The following NTM variants were observed in gnomAD, a reference collection of about 807,000 sequenced individuals.
NTM encodes the protein neurotrimin.
A neutral mutation model predicts 42.1 loss-of-function variants in NTM; 13 were observed. That is an observed-to-expected ratio of 0.31 (90% confidence interval 0.20 to 0.49). The LOEUF (loss-of-function observed/expected upper bound fraction) is 0.49, where lower values mean the gene tolerates loss of function less well. NTM is among the 20% of genes least tolerant of loss of function. The pLI is 0.99. For synonymous variants in NTM, 187 were observed against 179.2 expected, an observed-to-expected ratio of 1.04 and a Z score of -0.35; for missense variants, 373 against 452.8, an observed-to-expected ratio of 0.82 and a Z score of 1.60.
intron 1 of NTM, among the ~76,000 whole-genome samples, chr11:131,442,021 C>G (rs756637847): frequency 7.2e-5 from 11 of 152,350 alleles, no homozygotes; most frequent in Middle Eastern, 6.8e-3. Context: ...CCTCAGATCA[C>G]AGGGTAAAAA....
intron 2 of NTM, among the ~76,000 whole-genome samples, chr11:132,134,705 G>GTA (rs57297229): frequency 6.6e-4 from 50 of 75,848 alleles, no homozygotes; most frequent in Non-Finnish European, 1.2e-3. Context: ...GTATTCCATG[G>GTA]TATATATATA....
intron 2 of NTM, among the ~76,000 whole-genome samples, chr11:132,007,673 A>G (rs1454460926): frequency 1.3e-5 from 2 of 152,230 alleles, no homozygotes; most frequent in Non-Finnish European, 2.9e-5. Flanking sequence ...GTGAAGGAAT[A>G]ATCATCCACC....
chr11:131,783,931 T>A (rs923823943), intron 1 of NTM, among the ~76,000 whole-genome samples: 1 of 152,156 alleles, frequency 6.6e-6, no homozygotes, highest in Non-Finnish European at 1.5e-5. Context: ...TCATAACAAC[T>A]CAATCCTGAG....
At chr11:131,774,733 T>C (rs1171723093) in intron 1 of NTM, among the ~76,000 whole-genome samples, 1 of 152,178 alleles carries the variant, frequency 6.6e-6, no homozygotes, top group East Asian at 1.9e-4. Context: ...AAGCTTAAGG[T>C]GAAGATAATC....
intron 2 of NTM, among the ~76,000 whole-genome samples, chr11:131,956,588 A>G (rs979895201): frequency 1.4e-5 from 2 of 147,870 alleles, no homozygotes; most frequent in Non-Finnish European, 3.0e-5. Context: ...GGTTCCTTTC[A>G]TCGGTGTCTC....
At chr11:131,974,019 C>A (rs1422351655) in intron 2 of NTM, among the ~76,000 whole-genome samples, 1 of 152,156 alleles carries the variant, frequency 6.6e-6, no homozygotes, top group Non-Finnish European at 1.5e-5. Flanking sequence ...ACTTCCACTT[C>A]ATGAGTAGTA....
intron 1 of NTM, among the ~76,000 whole-genome samples, chr11:131,749,686 C>G (rs544570107): frequency 6.6e-6 from 1 of 152,162 alleles, no homozygotes; most frequent in Non-Finnish European, 1.5e-5. Flanking sequence ...GCAACCTCTG[C>G]CTTCCAGGTT....
In NTM at chr11:132,332,052, C is replaced by G. The variant is rs550611240; in HGVS notation, c.967+1867C>G. The stretch of plus-strand genomic sequence containing the variant: ...GCCTCAAATCAATGAGGATCATGAT[C>G]GATTTGGGGTAGAAACATCACCTTG... On this transcript the variant is annotated intron_variant, in intron 8 of 8. Transcript: ENST00000683400. 1.3e-4 allele frequency among the ~76,000 whole-genome samples: 20 copies of G among 152,242 alleles called. No homozygotes were observed. The South Asian group carries it at 4.0e-3, about 30-fold the overall frequency.
chr11:131,439,317 G>A (rs958083411), intron 1 of NTM, among the ~76,000 whole-genome samples: 1 of 152,186 alleles, frequency 6.6e-6, no homozygotes, highest in Non-Finnish European at 1.5e-5. Context: ...ACACCATGCT[G>A]GGAGAACCAC....
intron 2 of NTM, among the ~76,000 whole-genome samples, chr11:132,061,441 G>T (rs968676863): frequency 6.6e-6 from 1 of 152,188 alleles, no homozygotes; most frequent in African/African-American, 2.4e-5. Context: ...GAAGGGTTGT[G>T]TTTAACTATT....
At chr11:131,433,351 T>C (rs1402916266) in intron 1 of NTM, among the ~76,000 whole-genome samples, 1 of 152,174 alleles carries the variant, frequency 6.6e-6, no homozygotes, top group East Asian at 1.9e-4. Context: ...GTATTTTCTG[T>C]GTATGTCTAT....
intron 1 of NTM, among the ~76,000 whole-genome samples, chr11:131,625,307 G>A (rs928101067): frequency 4.6e-5 from 7 of 152,166 alleles, no homozygotes; most frequent in African/African-American, 1.7e-4. Context: ...TGGTCTTTAT[G>A]GACCCCTCTG....
intron 2 of NTM, among the ~76,000 whole-genome samples, chr11:132,078,776 A>G (rs1213374102): frequency 6.6e-6 from 1 of 152,212 alleles, no homozygotes; most frequent in African/African-American, 2.4e-5. Context: ...TTTTACACTT[A>G]ACTCATCAAA....
At chr11:131,450,652 A>G (rs996432183) in intron 1 of NTM, among the ~76,000 whole-genome samples, 8 of 152,238 alleles carry the variant, frequency 5.3e-5, no homozygotes, top group African/African-American at 1.4e-4. Context: ...CTCAAGGTCA[A>G]GGTCTCAGTT....
At chr11:132,006,150 G>A (rs11222861) in intron 2 of NTM, among the ~76,000 whole-genome samples, 2,325 of 152,168 alleles carry the variant, frequency 0.015, 23 homozygotes, top group Admixed American at 0.028. Flanking sequence ...CTTGGTGTTC[G>A]CATTCAAGGA....
rs76966510 is a variant in NTM at position 131,653,061 on chromosome 11, A to G, written c.83-258503A>G. On this transcript the variant is annotated intron_variant, in intron 1 of 8. Transcript: ENST00000683400. ...CCCCGCTATTTGACGAGCTGCTGCA[A>G]TTTCTCCCAGGGACTGGATGATGCA... Among the ~76,000 whole-genome samples, 823 of 152,252 alleles carry G rather than the reference A, an allele frequency of 5.4e-3. 13 individuals carry two copies. Among genetic ancestry groups the G allele is most frequent in the African/African-American group, 0.019 (789 of 41,548 alleles).
At chr11:131,642,020 C>T (rs529282588) in intron 1 of NTM, among the ~76,000 whole-genome samples, 40 of 152,186 alleles carry the variant, frequency 2.6e-4, no homozygotes, top group South Asian at 1.2e-3. Context: ...CCACTGTGCC[C>T]GGCCCCAATA....
At chr11:131,933,275 A>G (rs2058837023) in intron 2 of NTM, among the ~76,000 whole-genome samples, 1 of 151,824 alleles carries the variant, frequency 6.6e-6, no homozygotes, top group Non-Finnish European at 1.5e-5. Flanking sequence ...TGCCCTAGAG[A>G]CCTCACTCCC....
chr11:131,772,514 C>A (rs2135931384), intron 1 of NTM, among the ~76,000 whole-genome samples: 1 of 152,300 alleles, frequency 6.6e-6, no homozygotes, highest in South Asian at 2.1e-4. Context: ...GACCACATGT[C>A]TAGAACTGAA....
Sources: gnomAD v4.1 joint callset for allele counts (sites outside exome capture counted in the v4.1 genomes callset) on GRCh38, gnomAD v4.1.1 for gene constraint, MANE v1.5 for transcripts, NCBI Gene and HGNC (gene_info 2026-07-23, HGNC 2026-07-21) for gene names.